Variants in CD58 observed in about 807,000 individuals in gnomAD.
CD58 encodes CD58 molecule, also known as lymphocyte function-associated antigen 3.
CD58 carries 14 observed loss-of-function variants against 27.6 expected under a neutral mutation model. That is an observed-to-expected ratio of 0.51 (90% CI 0.34 to 0.79). The LOEUF (loss-of-function observed/expected upper bound fraction) is 0.79, where lower values mean the gene tolerates loss of function less well. Among genes scored for constraint, CD58 ranks in the 30% least tolerant of loss-of-function variants. The pLI is 0.02. For synonymous variants in CD58, 117 were observed against 103.8 expected (o/e 1.13, Z -0.77); for missense variants, 268 against 301.7 (o/e 0.89, Z 0.83).
At position 116,527,321 on chromosome 1, in the gene CD58, G is replaced by A. The variant is rs144433140; in HGVS notation, c.629-5338C>T. On this transcript the variant is annotated intron_variant, in intron 3 of 5. Transcript: ENST00000369489. The surrounding 1 kb of genome is among the most constrained non-coding windows in gnomAD (Gnocchi z 4.4). ...ATGTTAGCTGCAGGGTTTTTTGTAG[G>A]CATTTGTTAACAAGTTGAAAAAGTT... is the stretch of plus-strand genomic sequence containing the variant. Among the ~76,000 whole-genome samples the A allele has an allele frequency of 2.1e-4, 32 of 152,182 alleles. No homozygotes were observed. The East Asian group carries it at 5.8e-3, about 28-fold the overall frequency.
In CD58 at chr1:116,534,132, G is replaced by A; in HGVS notation, c.628+1833C>T. 1.4e-6 allele frequency: 1 copy of A among 705,968 alleles called. No homozygotes were observed. Among genetic ancestry groups the A allele is most frequent in the Non-Finnish European group, 2.6e-6 (1 of 388,732 alleles). The allele number at this position is 705,968 out of a possible 1,614,324, so 43.7% of individuals were successfully genotyped here. ...CCCCTTGTCTGGTAAACCAAGTCCCGTGAGTAACTAGGCTAAGGCACTCAG... is the reference window on the plus strand; with the variant it reads ...CCCCTTGTCTGGTAAACCAAGTCCCATGAGTAACTAGGCTAAGGCACTCAG... On this transcript the variant is annotated intron_variant, in intron 3 of 5. Coordinates refer to ENST00000369489, the MANE Select transcript of CD58 (RefSeq NM_001779.3). This position sits in a 1 kb window ranked among gnomAD's most constrained non-coding sequence, Gnocchi z 5.3.
intron 3 of CD58, among the ~76,000 whole-genome samples, chr1:116,530,459 C>A (rs558600685): frequency 1.3e-5 from 2 of 152,240 alleles, no homozygotes; most frequent in South Asian, 2.1e-4. Context: ...CCCGCCTCAG[C>A]CTCCCAAAGT....
rs1324231304 is a variant in CD58 at position 116,563,977 on chromosome 1, T to C, written c.70+6926A>G. Among the ~76,000 whole-genome samples, 8 of 152,240 alleles carry C rather than the reference T, an allele frequency of 5.3e-5. No homozygotes were observed. In the East Asian group the frequency reaches 1.5e-3, roughly 29 times the overall value. ...TTCTATTGCATCATTGGGCTGCAAA[T>C]TTTTTGAACTTTTATGCCCTGCTAT... On this transcript the variant is annotated intron_variant, in intron 1 of 5. Coordinates refer to ENST00000369489, the MANE Select transcript of CD58 (RefSeq NM_001779.3). This position sits in a 1 kb window ranked among gnomAD's most constrained non-coding sequence, Gnocchi z 4.1.
At chr1:116,539,662 C>A (rs546906735) in intron 2 of CD58, among the ~76,000 whole-genome samples, 2 of 152,320 alleles carry the variant, frequency 1.3e-5, no homozygotes, top group African/African-American at 4.8e-5. Context: ...CAACAGTTGC[C>A]AGATGGCAAA....
At position 116,528,876 on chromosome 1, in the gene CD58, G is replaced by A. The variant is rs577509672; in HGVS notation, c.629-6893C>T. Among the ~76,000 whole-genome samples, 1 of 152,224 alleles carries A rather than the reference G, an allele frequency of 6.6e-6. No homozygotes were observed. The highest frequency in any genetic ancestry group is 6.5e-5 in the Admixed American group (1 of 15,286). The stretch of plus-strand genomic sequence containing the variant: ...TCTATTCACAAGGTCTGTCAACAAT[G>A]ACCTCCTAAGTGCCAAATCCACAAC... On this transcript the variant is annotated intron_variant, in intron 3 of 5. Coordinates refer to ENST00000369489, the MANE Select transcript of CD58 (RefSeq NM_001779.3). The surrounding 1 kb of genome is among the most constrained non-coding windows in gnomAD (Gnocchi z 4.4).
rs895967464 is a variant in CD58, at chr1:116,533,835, T to C, written c.628+2130A>G. The C allele has an allele frequency of 3.7e-6, 3 of 806,054 alleles. No homozygotes were observed. In the Admixed American group the frequency reaches 5.2e-5, roughly 14 times the overall value. The allele number at this position is 806,054 out of a possible 1,614,324, so 49.9% of individuals were successfully genotyped here. ...ATTTTCTTTCCAAGTCATGAACTTC[T>C]TCATAGAACTTGGCTTCTATATGAG... On this transcript the variant is annotated intron_variant, in intron 3 of 5. Transcript: ENST00000369489.
At chr1:116,537,995 A>C (rs1368202946) in intron 2 of CD58, among the ~76,000 whole-genome samples, 2 of 152,196 alleles carry the variant, frequency 1.3e-5, no homozygotes, top group African/African-American at 4.8e-5. Flanking sequence ...TAATCTGAAA[A>C]ATAAAAGCAT....
intron 1 of CD58, among the ~76,000 whole-genome samples, chr1:116,564,907 C>T: frequency 6.6e-6 from 1 of 152,190 alleles, no homozygotes; most frequent in East Asian, 1.9e-4. Flanking sequence ...TGCACCACCA[C>T]TCTCAGCCAA....
intron 3 of CD58, among the ~76,000 whole-genome samples, chr1:116,529,122 G>A (rs143372922): frequency 5.3e-5 from 8 of 152,244 alleles, no homozygotes; most frequent in African/African-American, 1.9e-4. Flanking sequence ...ATGAAATCAG[G>A]TCTAGGACCT....
Position 116,532,774 on chromosome 1 carries a change from A to G in CD58, c.628+3191T>C, listed in dbSNP as rs2101170761. On this transcript the variant is annotated intron_variant, in intron 3 of 5. Coordinates refer to ENST00000369489, the MANE Select transcript of CD58 (RefSeq NM_001779.3). The surrounding 1 kb of genome is among the most constrained non-coding windows in gnomAD (Gnocchi z 5.1). ...GCCACTGTACACATTAAGCAAAATA[A>G]TAAGGAAAAAGGAAAAGTGAAAGTG... Among the ~76,000 whole-genome samples, 1 of 152,394 alleles carries G rather than the reference A, an allele frequency of 6.6e-6. No homozygotes were observed. The highest frequency in any genetic ancestry group is 1.5e-5 in the Non-Finnish European group (1 of 68,040).
In CD58 at chr1:116,517,017, G is replaced by A. The variant is rs1327695473; in HGVS notation, c.744-2195C>T. Reference sequence around the variant, plus strand: ...CGTTTGTTGTGATGAAAGGAACAGAGGAAGGGATGAGTTCCAGAATGCCCA... The same window carrying A: ...CGTTTGTTGTGATGAAAGGAACAGAAGAAGGGATGAGTTCCAGAATGCCCA... On this transcript the variant is annotated intron_variant, in intron 5 of 5. Coordinates refer to ENST00000369489, the MANE Select transcript of CD58 (RefSeq NM_001779.3). The surrounding 1 kb of genome is among the most constrained non-coding windows in gnomAD (Gnocchi z 6.5). Among the ~76,000 whole-genome samples the A allele has an allele frequency of 1.3e-5, 2 of 152,094 alleles. No homozygotes were observed. Among genetic ancestry groups the A allele is most frequent in the African/African-American group, 4.8e-5 (2 of 41,392 alleles).
At chr1:116,551,765 G>A (rs1341352691) in intron 1 of CD58, among the ~76,000 whole-genome samples, 1 of 133,204 alleles carries the variant, frequency 7.5e-6, no homozygotes, top group South Asian at 2.4e-4. Context: ...TTCAGACAGA[G>A]TTTCATTCTT....
chr1:116,545,659 G>A (rs1337147366), intron 1 of CD58, among the ~76,000 whole-genome samples: 1 of 152,156 alleles, frequency 6.6e-6, no homozygotes, highest in Non-Finnish European at 1.5e-5. Flanking sequence ...GTGCAGTGGT[G>A]GGTTGGAGCC....
intron 3 of CD58, among the ~76,000 whole-genome samples, chr1:116,526,809 T>C (rs1438337791): frequency 6.6e-6 from 1 of 152,262 alleles, no homozygotes; most frequent in Non-Finnish European, 1.5e-5. Context: ...AGTCTTCCTA[T>C]CTATGAACAT....
At chr1:116,549,801 G>A (rs1046353025) in intron 1 of CD58, among the ~76,000 whole-genome samples, 3 of 152,072 alleles carry the variant, frequency 2.0e-5, no homozygotes, top group African/African-American at 7.2e-5. Flanking sequence ...ATACAAACAT[G>A]TATCACATAT....
intron 3 of CD58, chr1:116,533,862 G>A (rs1657701121): frequency 3.2e-6 from 3 of 927,214 alleles, no homozygotes; most frequent in Non-Finnish European, 3.6e-6. Flanking sequence ...CTATATGAGC[G>A]CATCTCACCT....
chr1:116,528,561 G>T lies in CD58; in HGVS notation c.629-6578C>A, dbSNP rs935851930. On this transcript the variant is annotated intron_variant, in intron 3 of 5. Coordinates refer to ENST00000369489, the MANE Select transcript of CD58 (RefSeq NM_001779.3). The surrounding 1 kb of genome is among the most constrained non-coding windows in gnomAD (Gnocchi z 4.4). ...TAAATGTGTACAACAGTTGGAAACT[G>T]GTACTCTAGAGAATATCCTCTTGCC... is the stretch of plus-strand genomic sequence containing the variant. Among the ~76,000 whole-genome samples, 2 of 152,098 alleles carry T rather than the reference G, an allele frequency of 1.3e-5. No homozygotes were observed. The highest frequency in any genetic ancestry group is 2.4e-5 in the African/African-American group (1 of 41,402).
intron 1 of CD58, among the ~76,000 whole-genome samples, chr1:116,562,735 C>G (rs1338040896): frequency 4.6e-5 from 7 of 152,194 alleles, no homozygotes. Context: ...GACTTATTCA[C>G]TATCACAAGA....
In CD58 at chr1:116,522,754, T is replaced by TCGGTCAGA. The variant is rs1351534868; in HGVS notation, c.629-772_629-771insTCTGACCG. Among the ~76,000 whole-genome samples, 3 of 152,216 alleles carry TCGGTCAGA rather than the reference T, an allele frequency of 2.0e-5. No homozygotes were observed. Among genetic ancestry groups the TCGGTCAGA allele is most frequent in the African/African-American group, 7.2e-5 (3 of 41,460 alleles). On this transcript the variant is annotated intron_variant, in intron 3 of 5. Transcript: ENST00000369489. The surrounding 1 kb of genome is among the most constrained non-coding windows in gnomAD (Gnocchi z 4.6). Reference sequence around the variant, plus strand: ...CAAGTGTTCCACTAGAAGGTTTGTTTCTGACCATCTCATACTGCCAGTGGA... The same window carrying TCGGTCAGA: ...CAAGTGTTCCACTAGAAGGTTTGTTTCGGTCAGACTGACCATCTCATACTGCCAGTGGA...
Sources: allele counts gnomAD v4.1 joint callset (sites outside exome capture counted in the v4.1 genomes callset), GRCh38; gene constraint gnomAD v4.1.1; non-coding constraint Gnocchi (gnomAD v3.1); transcripts MANE v1.5; gene names NCBI Gene and HGNC (gene_info 2026-07-23, HGNC 2026-07-21).